The following NTNG1 variants were observed in gnomAD, a reference collection of about 807,000 sequenced individuals.
The protein encoded by NTNG1 is netrin-G1.
NTNG1 carries 16 observed loss-of-function variants against 54.0 expected under a neutral mutation model. The ratio of observed to expected loss-of-function variants is 0.30; its 90% CI spans 0.20 to 0.45. The LOEUF (loss-of-function observed/expected upper bound fraction) is 0.45. Ranked by LOEUF, NTNG1 falls within the 20% of genes least tolerant of loss-of-function variation. NTNG1 has a pLI of 1.00. For synonymous variants in NTNG1, 255 were observed against 263.1 expected, an observed-to-expected ratio of 0.97 and a Z score of 0.30; for missense variants, 530 against 678.7, an observed-to-expected ratio of 0.78 and a Z score of 2.43.
intron 3 of NTNG1, among the ~76,000 whole-genome samples, chr1:107,379,420 G>A (rs572816131): frequency 6.6e-6 from 1 of 152,252 alleles, no homozygotes; most frequent in South Asian, 2.1e-4. Flanking sequence ...TTTGATTCAA[G>A]CACCTGAAAG....
intron 2 of NTNG1, among the ~76,000 whole-genome samples, chr1:107,259,968 A>G (rs1046263928): frequency 4.6e-5 from 7 of 152,220 alleles, no homozygotes; most frequent in Non-Finnish European, 1.0e-4. Context: ...ATACTGAGCT[A>G]GGTGAGAGGG....
At chr1:107,185,683 G>A (rs971598651) in intron 2 of NTNG1, among the ~76,000 whole-genome samples, 2 of 152,036 alleles carry the variant, frequency 1.3e-5, no homozygotes, top group African/African-American at 4.8e-5. Context: ...ACGTAGCATC[G>A]TTTGTGCTGT....
At chr1:107,381,592 C>T (rs1428245378) in intron 3 of NTNG1, among the ~76,000 whole-genome samples, 1 of 152,172 alleles carries the variant, frequency 6.6e-6, no homozygotes, top group Non-Finnish European at 1.5e-5. Context: ...TGTTTTGCAT[C>T]CAGTCTAGCT....
chr1:107,334,306 T>G (rs1030351010), intron 3 of NTNG1, among the ~76,000 whole-genome samples: 1 of 152,024 alleles, frequency 6.6e-6, no homozygotes, highest in Admixed American at 6.6e-5. Context: ...GGATATCACC[T>G]TGTCTAGGAA....
rs1317942632 is a variant in NTNG1 at position 107,308,987 on chromosome 1, G to A, written c.247-15295G>A. On this transcript the variant is annotated intron_variant, in intron 2 of 7. Coordinates refer to ENST00000370068, the MANE Select transcript of NTNG1 (RefSeq NM_001113226.3). ...TTTCACCGTCTTCCAGACATTACAC[G>A]TTGATGTATTATTGGTTCTTTCTTT... 5.5e-5 allele frequency among the ~76,000 whole-genome samples: 8 copies of A among 146,610 alleles called. No homozygotes were observed. In the East Asian group the frequency reaches 8.1e-4, roughly 15 times the overall value.
intron 2 of NTNG1, among the ~76,000 whole-genome samples, chr1:107,270,453 A>G (rs903328248): frequency 2.6e-5 from 4 of 152,190 alleles, no homozygotes; most frequent in African/African-American, 9.7e-5. Flanking sequence ...TCTCTAAGAC[A>G]CAGTTTTCTC....
chr1:107,212,026 T>C (rs1296882251), intron 2 of NTNG1, among the ~76,000 whole-genome samples: 1 of 152,172 alleles, frequency 6.6e-6, no homozygotes. Flanking sequence ...CTTAAATCTC[T>C]TTATAGATGT....
chr1:107,237,980 G>T (rs1002080843), intron 2 of NTNG1, among the ~76,000 whole-genome samples: 1 of 152,116 alleles, frequency 6.6e-6, no homozygotes, highest in Non-Finnish European at 1.5e-5. Flanking sequence ...TGTGAGAAGA[G>T]GGCCACCGTC....
At chr1:107,248,804 T>C (rs987315103) in intron 2 of NTNG1, among the ~76,000 whole-genome samples, 2 of 152,078 alleles carry the variant, frequency 1.3e-5, no homozygotes, top group Non-Finnish European at 1.5e-5. Flanking sequence ...TTATAAATCC[T>C]TAAGAATGTT....
chr1:107,409,762 C>T (rs958838580), intron 5 of NTNG1: 1 of 152,130 alleles, frequency 6.6e-6, no homozygotes, highest in Admixed American at 6.6e-5. Context: ...GATGTAAGAG[C>T]TTCCAGAGGT....
rs117531440 is a variant in NTNG1 at position 107,178,938 on chromosome 1, C to T, written c.246+30099C>T. ...CTCACCTCTTGGCTAGAGAAAGGAG[C>T]TGTGGTAGATCAATGTCGCTGCTTG... On this transcript the variant is annotated intron_variant, in intron 2 of 7. Transcript: ENST00000370068. Among the ~76,000 whole-genome samples, 619 of 152,282 alleles carry T rather than the reference C, an allele frequency of 4.1e-3. 20 individuals are homozygous for T. The East Asian group carries it at 0.093, about 23-fold the overall frequency.
intron 2 of NTNG1, among the ~76,000 whole-genome samples, chr1:107,238,856 C>A (rs904042961): frequency 1.8e-4 from 27 of 150,868 alleles, no homozygotes; most frequent in Non-Finnish European, 3.2e-4. Context: ...TGAAAATGGA[C>A]TAATACATAA....
At chr1:107,430,561 C>A in intron 5 of NTNG1, 189 bp from the exon 6 acceptor site, 1 of 741,702 alleles carries the variant, frequency 1.3e-6, no homozygotes. Flanking sequence ...ACCTTTCTAT[C>A]CTGCTTGAAA....
At chr1:107,469,199 ATAT>A (rs1333467216) in intron 7 of NTNG1, among the ~76,000 whole-genome samples, 1 of 151,854 alleles carries the variant, frequency 6.6e-6, no homozygotes, top group Non-Finnish European at 1.5e-5. Context: ...CCCCAAGTGT[ATAT>A]TGTTTCATGA....
chr1:107,386,834 GA>G (rs1443562432), intron 3 of NTNG1, among the ~76,000 whole-genome samples: 1 of 152,196 alleles, frequency 6.6e-6, no homozygotes, highest in Non-Finnish European at 1.5e-5. Flanking sequence ...GTACCACTTT[GA>G]AAGTGTAAAA....
chr1:107,272,154 C>T (rs1557860167), intron 2 of NTNG1, among the ~76,000 whole-genome samples: 1 of 152,014 alleles, frequency 6.6e-6, no homozygotes, highest in Non-Finnish European at 1.5e-5. Flanking sequence ...GCAAATGGCT[C>T]AGTTAGTTAT....
At chr1:107,223,711 T>C (rs557930098) in intron 2 of NTNG1, among the ~76,000 whole-genome samples, 1 of 152,218 alleles carries the variant, frequency 6.6e-6, no homozygotes, top group East Asian at 1.9e-4. Flanking sequence ...TGAGTGGAGC[T>C]GAAAGAAAAA....
chr1:107,235,658 A>C (rs1661359859), intron 2 of NTNG1, among the ~76,000 whole-genome samples: 1 of 152,198 alleles, frequency 6.6e-6, no homozygotes, highest in South Asian at 2.1e-4. Flanking sequence ...CTCCACAGTA[A>C]TAGACTTTAT....
chr1:107,154,965 T>G (rs574581064), intron 2 of NTNG1, among the ~76,000 whole-genome samples: 1 of 152,172 alleles, frequency 6.6e-6, no homozygotes, highest in South Asian at 2.1e-4. Context: ...CTCAAAATAA[T>G]GAATGCTTTG....
Sources: allele counts gnomAD v4.1 joint callset (sites outside exome capture counted in the v4.1 genomes callset), GRCh38; gene constraint gnomAD v4.1.1; transcripts MANE v1.5; gene names NCBI Gene and HGNC (gene_info 2026-07-23, HGNC 2026-07-21).